The following BST1 variants were observed in gnomAD, a reference collection of about 807,000 sequenced individuals.
The protein encoded by BST1 is bone marrow stromal cell antigen 1.
BST1 carries 49 observed loss-of-function variants against 40.6 expected under a neutral mutation model. The observed-to-expected ratio is 1.21, with a 90% CI of 0.96 to 1.53. The LOEUF (loss-of-function observed/expected upper bound fraction) is 1.53. BST1 is among the 40% of genes most tolerant of loss of function. The pLI is 0.00. For synonymous variants in BST1, 157 were observed against 159.3 expected, an observed-to-expected ratio of 0.99 and a Z score of 0.11; for missense variants, 423 against 395.9, an observed-to-expected ratio of 1.07 and a Z score of -0.58.
rs2148876801 is a variant in BST1, at chr4:15,705,591, G to C, written c.265G>C (p.Asp89His). The change falls in exon 2 of 9, where the codon GAC (aspartate) becomes CAC (histidine). Residue 89 changes from aspartate to histidine, a missense_variant. Physicochemically the swap from Asp to His is moderately conservative, Grantham distance 81 (BLOSUM62 -1). Coordinates refer to ENST00000265016, the MANE Select transcript of BST1 (RefSeq NM_004334.3). ...DKDPCSVLPSDYDLFINLSRH... is the reference protein window; with the variant it reads ...DKDPCSVLPSHYDLFINLSRH... ...GGATCCCTGCTCCGTGCTGCCCTCA[G>C]ACTATGACCTTTTTATTAACTTGTC... is the stretch of plus-strand genomic sequence containing the variant. The C allele has an allele frequency of 6.2e-7, 1 of 1,614,032 alleles. No homozygotes were observed. The highest frequency in any genetic ancestry group is 2.2e-5 in the East Asian group (1 of 44,868).
chr4:15,732,103 A>T lies in BST1; in HGVS notation c.*258A>T, dbSNP rs1425655290. 2 of 1,206,978 alleles carry T rather than the reference A, an allele frequency of 1.7e-6. No individual in the cohort carries two copies. Among genetic ancestry groups the T allele is most frequent in the Non-Finnish European group, 2.1e-6 (2 of 968,382 alleles). The allele number at this position is 1,206,978 out of a possible 1,614,324, so 74.8% of individuals were successfully genotyped here. ...TCTTATTTGTATAATGACACAAAGCATTGGGAGTCAGACTGCTTGTATATT... is the reference window on the plus strand; with the variant it reads ...TCTTATTTGTATAATGACACAAAGCTTTGGGAGTCAGACTGCTTGTATATT... On this transcript the variant is annotated 3_prime_UTR_variant, in exon 9 of 9. Coordinates refer to ENST00000265016, the MANE Select transcript of BST1 (RefSeq NM_004334.3).
At chr4:15,769,109 CA>C in the BST1 span, among the ~76,000 whole-genome samples, 2 of 152,086 alleles carry the variant, frequency 1.3e-5, no homozygotes, top group South Asian at 4.1e-4. Flanking sequence ...TGAATTCCAG[CA>C]TCTCCCTTTT....
At chr4:15,703,717 G>GGTGT (rs777541148) in intron 1 of BST1, among the ~76,000 whole-genome samples, 1 of 127,730 alleles carries the variant, frequency 7.8e-6, no homozygotes, top group Admixed American at 7.8e-5. Context: ...TAGAGGTGGG[G>GGTGT]GTGTGTGTGT....
downstream of BST1, among the ~76,000 whole-genome samples, chr4:15,734,467 TTAAAA>T (rs1182390409): frequency 6.6e-6 from 1 of 152,038 alleles, no homozygotes; most frequent in Non-Finnish European, 1.5e-5. Flanking sequence ...ATTTAATATA[TTAAAA>T]TATAATATAT....
At chr4:15,748,149 A>G in the BST1 span, among the ~76,000 whole-genome samples, 1 of 152,208 alleles carries the variant, frequency 6.6e-6, no homozygotes, top group Non-Finnish European at 1.5e-5. Flanking sequence ...ATTACGTACC[A>G]CCATTATCAG....
chr4:15,770,927 A>T, the BST1 span, among the ~76,000 whole-genome samples: 6 of 152,234 alleles, frequency 3.9e-5, no homozygotes, highest in African/African-American at 1.4e-4. Context: ...CCTTCAGAGA[A>T]GCTTTACTAT....
At chr4:15,714,234 A>G (rs1720385875) in intron 4 of BST1, among the ~76,000 whole-genome samples, 2 of 152,192 alleles carry the variant, frequency 1.3e-5, no homozygotes, top group Admixed American at 6.5e-5. Flanking sequence ...GGTATTGTGT[A>G]TCACTTTGCT....
At chr4:15,767,605 A>AC in the BST1 span, among the ~76,000 whole-genome samples, 235 of 119,056 alleles carry the variant, frequency 2.0e-3, 1 homozygote, top group African/African-American at 7.8e-3. Context: ...GCCCGGCCCT[A>AC]CTTTTTTTTT....
chr4:15,765,569 C>G, the BST1 span, among the ~76,000 whole-genome samples: 1 of 152,014 alleles, frequency 6.6e-6, no homozygotes, highest in Non-Finnish European at 1.5e-5. Context: ...AATCTCTATC[C>G]TCATCTCCCA....
intron 6 of BST1, among the ~76,000 whole-genome samples, chr4:15,718,091 A>G (rs539906495): frequency 6.6e-6 from 1 of 152,210 alleles, no homozygotes; most frequent in African/African-American, 2.4e-5. Context: ...CTTTTTCCTA[A>G]TTAGGACTCC....
intron 8 of BST1, among the ~76,000 whole-genome samples, chr4:15,725,777 C>T (rs1471647648): frequency 6.6e-6 from 1 of 152,052 alleles, no homozygotes; most frequent in Non-Finnish European, 1.5e-5. Flanking sequence ...CTGAAATTGT[C>T]AGTTTTCTTA....
At chr4:15,734,177 GTT>G, downstream of BST1, among the ~76,000 whole-genome samples, 1 of 152,168 alleles carries the variant, frequency 6.6e-6, no homozygotes, top group Non-Finnish European at 1.5e-5. Context: ...GATTGTGGGG[GTT>G]GAGAATGATC....
the BST1 span, among the ~76,000 whole-genome samples, chr4:15,772,958 C>G: frequency 6.6e-6 from 1 of 152,014 alleles, no homozygotes; most frequent in Non-Finnish European, 1.5e-5. Context: ...CTTGTCATGT[C>G]CAGAGCAAGA....
At chr4:15,717,771 T>C (rs1393967355) in intron 6 of BST1, among the ~76,000 whole-genome samples, 2 of 152,232 alleles carry the variant, frequency 1.3e-5, no homozygotes, top group African/African-American at 4.8e-5. Context: ...TATGAAAATA[T>C]GTTGCAAGGA....
intron 6 of BST1, among the ~76,000 whole-genome samples, chr4:15,718,269 GTC>G (rs1407166762): frequency 6.6e-6 from 1 of 151,216 alleles, no homozygotes; most frequent in African/African-American, 2.4e-5. Context: ...GTGTGTGTGT[GTC>G]TGTGTATACA....
the BST1 span, among the ~76,000 whole-genome samples, chr4:15,757,183 C>T: frequency 2.0e-5 from 3 of 152,170 alleles, no homozygotes; most frequent in Non-Finnish European, 4.4e-5. Flanking sequence ...CCTCCTATTC[C>T]TTTCTGTAGC....
chr4:15,710,175 T>C (rs1318471025), intron 3 of BST1, among the ~76,000 whole-genome samples: 2 of 151,918 alleles, frequency 1.3e-5, no homozygotes, highest in Non-Finnish European at 2.9e-5. Context: ...GGTCTTGCCA[T>C]GTTGCCCAGG....
chr4:15,726,140 T>TTTTG (rs1721101257), intron 8 of BST1, among the ~76,000 whole-genome samples: 1 of 119,906 alleles, frequency 8.3e-6, no homozygotes, highest in Non-Finnish European at 2.0e-5. Flanking sequence ...TTTAAAGTTT[T>TTTTG]TTTTTTTTTT....
chr4:15,709,395 C>T (rs972853676), intron 3 of BST1, among the ~76,000 whole-genome samples: 6 of 152,148 alleles, frequency 3.9e-5, no homozygotes, highest in African/African-American at 1.4e-4. Flanking sequence ...TAAAGGAGGG[C>T]CAGGTGGCAC....
Sources: gnomAD v4.1 joint callset for allele counts (sites outside exome capture counted in the v4.1 genomes callset) on GRCh38, gnomAD v4.1.1 for gene constraint, MANE v1.5 for transcripts, NCBI Gene and HGNC (gene_info 2026-07-23, HGNC 2026-07-21) for gene names.